NCAM1: variants seen among roughly 807,000 people sequenced by gnomAD.
The protein encoded by NCAM1 is neural cell adhesion molecule 1, also known as antigen recognized by monoclonal antibody 5.1H11.
NCAM1 carries 14 observed loss-of-function variants against 109.8 expected under a neutral mutation model. That is an observed-to-expected ratio of 0.13 (90% CI 0.08 to 0.20). NCAM1 has a LOEUF of 0.20. Ranked by LOEUF, NCAM1 falls within the 10% of genes least tolerant of loss-of-function variation. NCAM1 has a pLI of 1.00. For missense variants in NCAM1, 774 were observed against 1,109.9 expected (o/e 0.70, Z 4.30); for synonymous variants, 418 against 442.9 (o/e 0.94, Z 0.70).
chr11:113,266,542 G>T (rs933576148), intron 17 of NCAM1, among the ~76,000 whole-genome samples: 5 of 152,106 alleles, frequency 3.3e-5, no homozygotes, highest in Non-Finnish European at 2.9e-5. Context: ...TTGTAATGCA[G>T]GGGAGGGAAG....
intron 1 of NCAM1, among the ~76,000 whole-genome samples, chr11:113,174,746 T>G (rs1440116917): frequency 6.6e-6 from 1 of 152,212 alleles, no homozygotes; most frequent in East Asian, 1.9e-4. Context: ...GGATTATCCC[T>G]GAGGCTAAGA....
intron 15 of NCAM1, among the ~76,000 whole-genome samples, chr11:113,250,478 G>C (rs1300946421): frequency 1.3e-5 from 2 of 152,166 alleles, no homozygotes; most frequent in Admixed American, 6.5e-5. Context: ...TTCTGACTTG[G>C]AAAAAGTAAA....
intron 1 of NCAM1, among the ~76,000 whole-genome samples, chr11:112,964,320 G>T (rs1023666058): frequency 6.6e-6 from 1 of 151,980 alleles, no homozygotes; most frequent in Non-Finnish European, 1.5e-5. Flanking sequence ...CTGCTCTTTA[G>T]AAATACAATG....
intron 17 of NCAM1, among the ~76,000 whole-genome samples, chr11:113,260,632 G>T (rs1276306384): frequency 2.0e-5 from 3 of 152,150 alleles, no homozygotes; most frequent in Non-Finnish European, 1.5e-5. Flanking sequence ...CCTAGCCTTG[G>T]AAGTTGGTTG....
At chr11:113,075,441 G>A (rs1338253589) in intron 1 of NCAM1, among the ~76,000 whole-genome samples, 1 of 152,168 alleles carries the variant, frequency 6.6e-6, no homozygotes, top group Admixed American at 6.5e-5. Flanking sequence ...GCTGCATATG[G>A]CATCTGGAAA....
chr11:113,146,610 C>T (rs1019449965), intron 1 of NCAM1, among the ~76,000 whole-genome samples: 2 of 152,176 alleles, frequency 1.3e-5, no homozygotes, highest in African/African-American at 4.8e-5. Context: ...TGTGAACTTG[C>T]TTGCAGAGAC....
In NCAM1 at chr11:113,232,733, G is replaced by C. The variant is rs782724291; in HGVS notation, c.1441G>C (p.Glu481Gln). 3 of 1,613,608 alleles carry C rather than the reference G, an allele frequency of 1.9e-6. No homozygotes were observed. In the South Asian group the frequency reaches 3.3e-5, roughly 18 times the overall value. The part of the protein sequence containing the change: ...ASYLEVTPDS[E>Q]NDFGNYNCTA... ...CCTTCTAAAGGTGACCCCAGACTCT[G>C]AGAATGATTTTGGGAACTACAACTG... Residue 481 changes from glutamate (E) to glutamine (Q), a missense_variant, in exon 12 of 20, where the codon GAG becomes CAG. By Grantham distance (29) the Glu-to-Gln change is conservative. Around this residue, in one of 4 missense-constraint regions of NCAM1, gnomAD observed 523 missense variants for 784.2 expected, o/e 0.67. Coordinates refer to ENST00000316851, the MANE Select transcript of NCAM1 (RefSeq NM_181351.5).
At chr11:113,099,415 C>T (rs1939760333) in intron 1 of NCAM1, among the ~76,000 whole-genome samples, 1 of 152,174 alleles carries the variant, frequency 6.6e-6, no homozygotes, top group South Asian at 2.1e-4. Flanking sequence ...TTTATCACTC[C>T]ACGGTTGCAT....
intron 1 of NCAM1, among the ~76,000 whole-genome samples, chr11:112,967,976 T>A (rs782374714): frequency 4.3e-4 from 65 of 152,178 alleles, no homozygotes; most frequent in Non-Finnish European, 8.8e-4. Flanking sequence ...TGAGAACACA[T>A]TGCCAAGTCC....
At chr11:112,966,417 C>G (rs1251222546) in intron 1 of NCAM1, among the ~76,000 whole-genome samples, 1 of 152,238 alleles carries the variant, frequency 6.6e-6, no homozygotes, top group Non-Finnish European at 1.5e-5. Flanking sequence ...CCAAGGACCT[C>G]TGAATCCTAA....
intron 8 of NCAM1, among the ~76,000 whole-genome samples, chr11:113,216,996 C>T (rs187179153): frequency 6.6e-6 from 1 of 152,308 alleles, no homozygotes; most frequent in East Asian, 1.9e-4. Context: ...ACTAGCATCA[C>T]TGTAATTGTA....
At chr11:113,011,060 C>T (rs1555074289) in intron 1 of NCAM1, among the ~76,000 whole-genome samples, 2 of 149,954 alleles carry the variant, frequency 1.3e-5, no homozygotes, top group Non-Finnish European at 3.0e-5. Flanking sequence ...GCGCTGCACC[C>T]ACTAACTCGT....
intron 1 of NCAM1, chr11:113,133,772 T>C (rs1458727724): frequency 3.3e-5 from 5 of 152,102 alleles, no homozygotes; most frequent in African/African-American, 1.2e-4. Context: ...AAGACAAAAA[T>C]ATTAAATAAA....
chr11:113,250,173 T>A (rs973105814), intron 15 of NCAM1, among the ~76,000 whole-genome samples: 39 of 152,014 alleles, frequency 2.6e-4, no homozygotes, highest in African/African-American at 9.0e-4. Flanking sequence ...CTAAGACAAA[T>A]TAATACCCAC....
intron 1 of NCAM1, among the ~76,000 whole-genome samples, chr11:113,158,081 CAATAAT>C (rs1321147093): frequency 2.0e-5 from 3 of 151,988 alleles, no homozygotes; most frequent in East Asian, 3.9e-4. Context: ...ACAGTGTTGA[CAATAAT>C]AATATATATA....
At position 113,273,119 on chromosome 11, in the gene NCAM1, G is replaced by A. The variant is rs369722627; in HGVS notation, c.2456+1243G>A. ...CCACGCCTGACTCAAACTCTGTACC[G>A]GCTGGCCAGGCCACCCCTTCCAAGG... On this transcript the variant is annotated intron_variant, in intron 19 of 19. Coordinates refer to ENST00000316851, the MANE Select transcript of NCAM1 (RefSeq NM_181351.5). The surrounding 1 kb of genome is among the most constrained non-coding windows in gnomAD (Gnocchi z 6.0). The A allele has an allele frequency of 2.2e-4, 100 of 452,706 alleles. 1 individual carries two copies. The East Asian group carries it at 2.9e-3, about 13-fold the overall frequency. 28.0% of individuals were successfully genotyped at this position (452,706 alleles called of 1,614,324 possible). A position where few individuals can be genotyped will look rare whatever the true frequency, so the allele number is the denominator to read the frequency against.
chr11:113,264,200 T>C (rs573631941), intron 17 of NCAM1: 17 of 985,218 alleles, frequency 1.7e-5, no homozygotes, highest in Middle Eastern at 5.2e-4. Context: ...AGCATCTCCA[T>C]GGAAGCTTGA....
intron 1 of NCAM1, among the ~76,000 whole-genome samples, chr11:113,072,265 A>C (rs1273612250): frequency 6.6e-6 from 1 of 152,230 alleles, no homozygotes; most frequent in Non-Finnish European, 1.5e-5. Context: ...TAAAGACAAA[A>C]ATTGAAGAAT....
At chr11:112,979,559 T>C (rs544362043) in intron 1 of NCAM1, among the ~76,000 whole-genome samples, 1 of 151,882 alleles carries the variant, frequency 6.6e-6, no homozygotes, top group African/African-American at 2.4e-5. Flanking sequence ...GTGACTCTTT[T>C]GCAAGTTAAA....
Sources: gnomAD v4.1 joint callset for allele counts (sites outside exome capture counted in the v4.1 genomes callset) on GRCh38, gnomAD v4.1.1 for gene constraint, gnomAD v4.1.1 regional missense constraint, Gnocchi (gnomAD v3.1) non-coding constraint, MANE v1.5 for transcripts, NCBI Gene and HGNC (gene_info 2026-07-23, HGNC 2026-07-21) for gene names.